The following TNIP2 variants were observed in gnomAD, a reference collection of about 807,000 sequenced individuals.
TNIP2 encodes the protein TNFAIP3-interacting protein 2.
Under a neutral mutation model 43.7 loss-of-function variants are expected in TNIP2, and 30 were observed. The observed-to-expected ratio is 0.69, with a 90% CI of 0.51 to 0.93. The LOEUF (loss-of-function observed/expected upper bound fraction) is 0.93, where lower values mean the gene tolerates loss of function less well. TNIP2 is among the 40% of genes least tolerant of loss of function. TNIP2 has a pLI of 0.00. For missense variants in TNIP2, 599 were observed against 591.0 expected, an observed-to-expected ratio of 1.01 and a Z score of -0.14; for synonymous variants, 260 against 254.6, an observed-to-expected ratio of 1.02 and a Z score of -0.20.
At chr4:2,748,842 A>G (rs1722028482) in intron 1 of TNIP2, among the ~76,000 whole-genome samples, 1 of 149,058 alleles carries the variant, frequency 6.7e-6, no homozygotes, top group Admixed American at 6.7e-5. Flanking sequence ...CACCCAGGCT[A>G]GAGTGCAGTG....
intron 2 of TNIP2, 68 bp downstream of exon 2, chr4:2,747,587 A>G: frequency 6.6e-7 from 1 of 1,509,454 alleles, no homozygotes; most frequent in Non-Finnish European, 8.9e-7. Context: ...CTCTGTGATC[A>G]GGGGCCTGTA....
chr4:2,751,116 G>A (rs540433314), intron 1 of TNIP2, among the ~76,000 whole-genome samples: 1 of 152,202 alleles, frequency 6.6e-6, no homozygotes, highest in Non-Finnish European at 1.5e-5. Context: ...TCCAGCCCCC[G>A]GGCTTCTGGC....
chr4:2,743,346 A>G (rs1356022902), intron 5 of TNIP2, among the ~76,000 whole-genome samples: 2 of 152,198 alleles, frequency 1.3e-5, no homozygotes, highest in Admixed American at 6.5e-5. Flanking sequence ...GAACCAGTTC[A>G]TCTGGTCCAA....
intron 5 of TNIP2, among the ~76,000 whole-genome samples, chr4:2,742,755 C>T (rs1050822064): frequency 2.6e-5 from 4 of 152,224 alleles, no homozygotes; most frequent in African/African-American, 9.6e-5. Context: ...TGGTCCACCC[C>T]CCAGCCCCTT....
intron 2 of TNIP2, among the ~76,000 whole-genome samples, chr4:2,746,755 G>C (rs1721958175): frequency 6.6e-6 from 1 of 152,246 alleles, no homozygotes; most frequent in African/African-American, 2.4e-5. Flanking sequence ...GTGCGAGTGA[G>C]ATGGGGTCTC....
chr4:2,749,947 A>G (rs1490679078), intron 1 of TNIP2, among the ~76,000 whole-genome samples: 2 of 152,092 alleles, frequency 1.3e-5, no homozygotes, highest in African/African-American at 2.4e-5. Flanking sequence ...AAGTAGTTGG[A>G]TTACAAGTGC....
In TNIP2 at chr4:2,744,043, C is replaced by T. The variant is rs563755322; in HGVS notation, c.1026+344G>A. 2.6e-5 allele frequency among the ~76,000 whole-genome samples: 4 copies of T among 152,302 alleles called. No individual in the cohort carries two copies. The highest frequency in any genetic ancestry group is 4.1e-4 in the South Asian group (2 of 4,828). ...TACATGACAAGGTAAGCGGGGTTCC[C>T]GTCTCACAGACAGGTCAGGACACGT... On this transcript the variant is annotated intron_variant, in intron 5 of 5. Coordinates refer to ENST00000315423, the MANE Select transcript of TNIP2 (RefSeq NM_024309.4). This position sits in a 1 kb window ranked among gnomAD's most constrained non-coding sequence, Gnocchi z 5.1.
Position 2,742,341 on chromosome 4 carries a change from G to A in TNIP2, c.1206C>T (p.Asp402=). The change falls in exon 6 of 6, where the codon GAC becomes GAT. Residue 402 remains aspartate, a synonymous_variant. Transcript: ENST00000315423. ...HPGAAQRGQG[D]LQCPHCLQCF... is the part of the protein sequence containing the mutation. Reference sequence around the variant, plus strand: ...ACTGCAGGCAGTGAGGGCACTGAAGGTCCCCCTGGCCTCTCTGGGCCGCGC... The same window carrying A: ...ACTGCAGGCAGTGAGGGCACTGAAGATCCCCCTGGCCTCTCTGGGCCGCGC... 6.3e-7 allele frequency: 1 copy of A among 1,575,782 alleles called. No homozygotes were observed. Among genetic ancestry groups the A allele is most frequent in the African/African-American group, 1.4e-5 (1 of 73,518 alleles).
intron 1 of TNIP2, among the ~76,000 whole-genome samples, chr4:2,754,497 A>G (rs1365498163): frequency 1.3e-5 from 2 of 152,212 alleles, no homozygotes; most frequent in African/African-American, 4.8e-5. Context: ...GCTCACTGCA[A>G]GCTCCGCCGC....
chr4:2,745,382 A>T, intron 3 of TNIP2, 64 bp downstream of exon 3: 2 of 1,271,628 alleles, frequency 1.6e-6, no homozygotes, highest in Non-Finnish European at 2.3e-6. Context: ...AGCCAAGGAA[A>T]GAACCCTCAC....
chr4:2,744,481 A>C lies in TNIP2; in HGVS notation c.932T>G (p.Met311Arg). The change falls in exon 5 of 6, where the codon ATG becomes AGG. Residue 311 changes from methionine to arginine, a missense_variant. Met to Arg is a moderately conservative substitution (Grantham distance 91, BLOSUM62 -1). Coordinates refer to ENST00000315423, the MANE Select transcript of TNIP2 (RefSeq NM_024309.4). This position sits in a 1 kb window ranked among gnomAD's most constrained non-coding sequence, Gnocchi z 5.1. ...QQILAYKDDF[M>R]SERADRERAQ... ...CCGTTCCCGATCGGCCCTTTCTGAC[A>C]TGAAGTCATCCTTGTAAGCGAGAAT... The C allele has an allele frequency of 6.2e-7, 1 of 1,614,204 alleles. No homozygotes were observed. The highest frequency in any genetic ancestry group is 8.5e-7 in the Non-Finnish European group (1 of 1,180,034).
chr4:2,750,995 C>T (rs961168426), intron 1 of TNIP2, among the ~76,000 whole-genome samples: 4 of 152,198 alleles, frequency 2.6e-5, no homozygotes. Context: ...CTGGGCCATA[C>T]AGAGACAGAT....
chr4:2,743,487 C>T (rs143750972), intron 5 of TNIP2, among the ~76,000 whole-genome samples: 461 of 152,262 alleles, frequency 3.0e-3, no homozygotes, highest in African/African-American at 9.7e-3. Context: ...AGACTTAGTC[C>T]CAGGGTTAGT....
At chr4:2,749,172 T>C (rs930338481) in intron 1 of TNIP2, among the ~76,000 whole-genome samples, 3 of 152,098 alleles carry the variant, frequency 2.0e-5, no homozygotes, top group Non-Finnish European at 4.4e-5. Flanking sequence ...TTTCGCTATA[T>C]ATAGCCCAAG....
chr4:2,742,120 G>T lies in TNIP2; in HGVS notation c.*137C>A. The T allele has an allele frequency of 1.1e-6, 1 of 870,688 alleles. No homozygotes were observed. The highest frequency in any genetic ancestry group is 1.6e-6 in the Non-Finnish European group (1 of 634,828). The allele number at this position is 870,688 out of a possible 1,614,324, so 53.9% of individuals were successfully genotyped here. ...CATAGCCAAAGGGACCAAAGTGAAC[G>T]ATCAGAGTGCCCCGCAACTATTCTA... On this transcript the variant is annotated 3_prime_UTR_variant, in exon 6 of 6. Transcript: ENST00000315423.
At position 2,741,936 on chromosome 4, in the gene TNIP2, A is replaced by T. The variant is rs747792796; in HGVS notation, c.*321T>A. The T allele has an allele frequency of 4.2e-6, 1 of 239,110 alleles. No individual in the cohort carries two copies. The highest frequency in any genetic ancestry group is 8.0e-6 in the Non-Finnish European group (1 of 124,440). The allele number at this position is 239,110 out of a possible 1,614,324, so 14.8% of individuals were successfully genotyped here. On this transcript the variant is annotated 3_prime_UTR_variant, in exon 6 of 6. Transcript: ENST00000315423. ...CTCCCTCAGGCAGCCACCCCTTTCTAGGCAGGCTGGGGGAGGGGCTGGCAC... is the reference window on the plus strand; with the variant it reads ...CTCCCTCAGGCAGCCACCCCTTTCTTGGCAGGCTGGGGGAGGGGCTGGCAC...
chr4:2,755,857 TC>T, intron 1 of TNIP2, 156 bp downstream of exon 1: 2 of 815,232 alleles, frequency 2.5e-6, no homozygotes, highest in Non-Finnish European at 3.0e-6. Flanking sequence ...GACCTGGTGC[TC>T]CCCCAACCCC....
rs1460962157 is a variant in TNIP2 at position 2,747,611 on chromosome 4, G to C, written c.567+44C>G. 1.9e-6 allele frequency: 3 copies of C among 1,559,272 alleles called. No homozygotes were observed. In the East Asian group the frequency reaches 6.8e-5, roughly 35 times the overall value. ...CAGGGGCCTGTAGGCGATGCTCCCA[G>C]CACACAGAGGTCTTCCCCACACTCT... On this transcript the variant is annotated intron_variant, in intron 2 of 5. Transcript: ENST00000315423.
intron 1 of TNIP2, among the ~76,000 whole-genome samples, chr4:2,751,632 G>A (rs1043337225): frequency 2.6e-5 from 4 of 152,028 alleles, no homozygotes; most frequent in African/African-American, 7.3e-5. Flanking sequence ...CATTAGCCAG[G>A]CATGGTGGTG....
Sources: gnomAD v4.1 joint callset for allele counts (sites outside exome capture counted in the v4.1 genomes callset) on GRCh38, gnomAD v4.1.1 for gene constraint, Gnocchi (gnomAD v3.1) non-coding constraint, MANE v1.5 for transcripts, NCBI Gene and HGNC (gene_info 2026-07-23, HGNC 2026-07-21) for gene names.